DSTN: variants seen among roughly 807,000 people sequenced by gnomAD.
The protein encoded by DSTN is destrin, actin depolymerizing factor.
DSTN carries 10 observed loss-of-function variants against 16.8 expected under a neutral mutation model. The observed-to-expected ratio is 0.60, with a 90% CI of 0.37 to 1.01. The LOEUF is 1.01. Ranked by LOEUF, DSTN falls within the 50% of genes least tolerant of loss-of-function variation. DSTN has a pLI of 0.01. For synonymous variants in DSTN, 57 were observed against 58.9 expected (o/e 0.97, Z 0.14); for missense variants, 141 against 196.7 (o/e 0.72, Z 1.69).
chr20:17,587,671 A>G (rs1201221249), intron 1 of DSTN, among the ~76,000 whole-genome samples: 1 of 150,794 alleles, frequency 6.6e-6, no homozygotes, highest in Non-Finnish European at 1.5e-5. Context: ...AGTGACTTTG[A>G]TATTAGAGGC....
At chr20:17,604,270 C>T (rs1344090234) in intron 2 of DSTN, among the ~76,000 whole-genome samples, 1 of 152,178 alleles carries the variant, frequency 6.6e-6, no homozygotes, top group Non-Finnish European at 1.5e-5. Context: ...TTGGTTCTTT[C>T]ATTATGGCGA....
rs545380790 is a variant in DSTN, at chr20:17,601,581, G to A, written c.311+536G>A. Among the ~76,000 whole-genome samples, 4 of 152,274 alleles carry A rather than the reference G, an allele frequency of 2.6e-5. No homozygotes were observed. In the East Asian group the frequency reaches 7.7e-4, roughly 29 times the overall value. On this transcript the variant is annotated intron_variant, in intron 2 of 3. Transcript: ENST00000246069. Reference sequence around the variant, plus strand: ...TTATTTAAAATTAAAAATTCAGTTTGTTAGCTGAATGAATTACCACATTTC... The same window carrying A: ...TTATTTAAAATTAAAAATTCAGTTTATTAGCTGAATGAATTACCACATTTC...
At chr20:17,590,737 T>A (rs1356356102) in intron 1 of DSTN, among the ~76,000 whole-genome samples, 2 of 152,184 alleles carry the variant, frequency 1.3e-5, no homozygotes, top group East Asian at 3.8e-4. Flanking sequence ...TAAAAACAAT[T>A]TGATTTTGCT....
chr20:17,585,964 T>G (rs1439579306), intron 1 of DSTN, among the ~76,000 whole-genome samples: 1 of 152,292 alleles, frequency 6.6e-6, no homozygotes, highest in East Asian at 1.9e-4. Context: ...TTTATTTATG[T>G]ATTTATTTTT....
chr20:17,575,059 A>G (rs144808515), intron 1 of DSTN, among the ~76,000 whole-genome samples: 1 of 151,876 alleles, frequency 6.6e-6, no homozygotes, highest in Non-Finnish European at 1.5e-5. Flanking sequence ...AGATTTTGCT[A>G]CATTGCCCAG....
chr20:17,599,653 CTGA>C (rs767632276), intron 1 of DSTN: 31 of 152,392 alleles, frequency 2.0e-4, no homozygotes, highest in Admixed American at 1.4e-3. Context: ...CAGGTTCAGG[CTGA>C]TGATTTGGCC....
intron 3 of DSTN, 65 bp from the exon 4 acceptor site, chr20:17,606,972 T>C: frequency 6.5e-7 from 1 of 1,536,616 alleles, no homozygotes; most frequent in East Asian, 2.3e-5. Context: ...AAAGTTTGGT[T>C]ATCTTAGAGA....
chr20:17,583,741 T>TTTTTTTTC (rs2035374168), intron 1 of DSTN, among the ~76,000 whole-genome samples: 1 of 110,158 alleles, frequency 9.1e-6, no homozygotes, highest in Non-Finnish European at 1.9e-5. Context: ...GTTTCTTTTT[T>TTTTTTTTC]TTTTTTTTTT....
In DSTN at chr20:17,575,004, GCAC is replaced by G. The variant is rs762108588; in HGVS notation, c.3+4800_3+4802del. Among the ~76,000 whole-genome samples the G allele has an allele frequency of 9.6e-4, 143 of 149,076 alleles. 1 individual carries two copies. The highest frequency in any genetic ancestry group is 1.3e-3 in the Non-Finnish European group (90 of 67,628). ...GCGGAGTAGCTGGGACTACAGATGTGCACCACCACACCCAGCTAACTTTTTAAA... is the reference window on the plus strand; with the variant it reads ...GCGGAGTAGCTGGGACTACAGATGTGCACCACACCCAGCTAACTTTTTAAA... On this transcript the variant is annotated intron_variant, in intron 1 of 3. Coordinates refer to ENST00000246069, the MANE Select transcript of DSTN (RefSeq NM_006870.4).
At chr20:17,589,159 T>C (rs2035443650) in intron 1 of DSTN, among the ~76,000 whole-genome samples, 1 of 152,208 alleles carries the variant, frequency 6.6e-6, no homozygotes, top group African/African-American at 2.4e-5. Context: ...ATTTTTATAC[T>C]TTAAGTAGAG....
intron 3 of DSTN, among the ~76,000 whole-genome samples, chr20:17,606,798 A>G (rs973506754): frequency 2.0e-5 from 3 of 152,226 alleles, no homozygotes; most frequent in Admixed American, 2.0e-4. Flanking sequence ...ATACCTATAT[A>G]TATAATAGAA....
At chr20:17,594,022 A>G (rs1464692874) in intron 1 of DSTN, among the ~76,000 whole-genome samples, 1 of 152,102 alleles carries the variant, frequency 6.6e-6, no homozygotes, top group Non-Finnish European at 1.5e-5. Flanking sequence ...GCGAGGCTGC[A>G]GTTTGCTATG....
intron 1 of DSTN, among the ~76,000 whole-genome samples, chr20:17,584,669 G>C (rs1417941981): frequency 6.8e-6 from 1 of 147,262 alleles, no homozygotes; most frequent in Admixed American, 6.8e-5. Flanking sequence ...AAAAAAAAAA[G>C]GCTTACCAGA....
Position 17,609,311 on chromosome 20 carries a change from C to T in DSTN, c.*2165C>T, listed in dbSNP as rs896418978. The stretch of plus-strand genomic sequence containing the variant: ...CTTGAACTCTTGGGCTCCAGCAAGC[C>T]TCCTGCCTTGGCCTCCTAAAGTGCT... On this transcript the variant is annotated 3_prime_UTR_variant, in exon 4 of 4. Coordinates refer to ENST00000246069, the MANE Select transcript of DSTN (RefSeq NM_006870.4). 2.6e-5 allele frequency: 4 copies of T among 152,264 alleles called. No homozygotes were observed. Among genetic ancestry groups the T allele is most frequent in the Admixed American group, 6.5e-5 (1 of 15,284 alleles). 9.4% of individuals were successfully genotyped at this position (152,264 alleles called of 1,614,324 possible). A position where few individuals can be genotyped will look rare whatever the true frequency, so the allele number is the denominator to read the frequency against.
At chr20:17,598,163 G>C (rs570567785) in intron 1 of DSTN, among the ~76,000 whole-genome samples, 1 of 152,276 alleles carries the variant, frequency 6.6e-6, no homozygotes, top group East Asian at 1.9e-4. Context: ...TTTGTGTACA[G>C]GTGTTGGTAT....
intron 1 of DSTN, among the ~76,000 whole-genome samples, chr20:17,571,240 G>C (rs1361898367): frequency 1.3e-5 from 2 of 152,216 alleles, no homozygotes; most frequent in Non-Finnish European, 2.9e-5. Flanking sequence ...TGATTTGCAG[G>C]CGTAGCCTTA....
chr20:17,570,287 G>A, intron 1 of DSTN, 76 bp downstream of exon 1: 10 of 1,413,918 alleles, frequency 7.1e-6, no homozygotes, highest in Non-Finnish European at 9.2e-6. Flanking sequence ...CGGAGTCGGG[G>A]CTAAGGGGGT....
intron 3 of DSTN, 42 bp from the exon 4 acceptor site, chr20:17,606,995 G>A (rs1335092012): frequency 2.5e-6 from 4 of 1,598,908 alleles, no homozygotes; most frequent in Non-Finnish European, 3.4e-6. Flanking sequence ...GAGGTAAACT[G>A]CTGCCATAAT....
At chr20:17,572,257 G>A (rs1466968705) in intron 1 of DSTN, among the ~76,000 whole-genome samples, 1 of 152,208 alleles carries the variant, frequency 6.6e-6, no homozygotes, top group East Asian at 1.9e-4. Flanking sequence ...GAGATTAGAT[G>A]TTTTCAGATG....
Sources: gnomAD v4.1 joint callset for allele counts (sites outside exome capture counted in the v4.1 genomes callset) on GRCh38, gnomAD v4.1.1 for gene constraint, MANE v1.5 for transcripts, NCBI Gene and HGNC (gene_info 2026-07-23, HGNC 2026-07-21) for gene names.